The following ERBIN variants were observed in gnomAD, a reference collection of about 807,000 sequenced individuals.
ERBIN encodes the protein densin-180-like protein.
ERBIN carries 60 observed loss-of-function variants against 158.4 expected under a neutral mutation model. The observed-to-expected ratio is 0.38, with a 90% CI of 0.31 to 0.47. The LOEUF is 0.47. ERBIN is among the 20% of genes least tolerant of loss of function. The pLI is 0.99. For synonymous variants in ERBIN, 594 were observed against 557.2 expected (o/e 1.07, Z -0.93); for missense variants, 1,610 against 1,648.0 (o/e 0.98, Z 0.40).
intron 25 of ERBIN, 150 bp downstream of exon 25, chr5:66,077,099 C>T (rs1580561989): frequency 5.8e-6 from 3 of 516,748 alleles, no homozygotes; most frequent in African/African-American, 2.1e-5. Context: ...TGCAGCGAGC[C>T]GAGATCGCGC....
At chr5:65,968,187 A>G (rs1371597552) in intron 1 of ERBIN, among the ~76,000 whole-genome samples, 1 of 152,220 alleles carries the variant, frequency 6.6e-6, no homozygotes, top group African/African-American at 2.4e-5. Context: ...TCATTCTACA[A>G]AATAGTGGCA....
intron 25 of ERBIN, 97 bp downstream of exon 25, chr5:66,077,046 G>C: frequency 1.1e-6 from 1 of 901,312 alleles, no homozygotes; most frequent in South Asian, 1.7e-5. Flanking sequence ...TTGTGGGTGG[G>C]AGGCTGAGGC....
chr5:65,980,400 C>T (rs1750525627), intron 1 of ERBIN, among the ~76,000 whole-genome samples: 1 of 151,912 alleles, frequency 6.6e-6, no homozygotes, highest in South Asian at 2.1e-4. Flanking sequence ...TGCACTCCAG[C>T]CTGGATAACA....
chr5:65,975,768 T>G (rs1381112899), intron 1 of ERBIN, among the ~76,000 whole-genome samples: 3 of 152,192 alleles, frequency 2.0e-5, no homozygotes, highest in African/African-American at 7.2e-5. Flanking sequence ...AGCAGAGTAA[T>G]GGGTTGGTAG....
chr5:66,064,588 A>G (rs527314439), intron 21 of ERBIN, among the ~76,000 whole-genome samples: 27 of 152,230 alleles, frequency 1.8e-4, no homozygotes, highest in Non-Finnish European at 3.5e-4. Flanking sequence ...ACAATAAACA[A>G]AAGAGAGCCA....
intron 4 of ERBIN, among the ~76,000 whole-genome samples, chr5:66,002,406 A>C (rs1181644149): frequency 6.6e-6 from 1 of 151,908 alleles, no homozygotes; most frequent in Non-Finnish European, 1.5e-5. Flanking sequence ...TGTAGGGAAG[A>C]CTGAGAAGAT....
chr5:65,957,507 A>C lies in ERBIN; in HGVS notation c.-58+30701A>C, dbSNP rs185021304. The stretch of plus-strand genomic sequence containing the variant: ...CCATTTAACCCTGAGTAGACACAGC[A>C]CGTTTCAGAGAGCACCGGGTTGGGG... On this transcript the variant is annotated intron_variant, in intron 1 of 25. Transcript: ENST00000284037. Among the ~76,000 whole-genome samples the C allele has an allele frequency of 2.4e-4, 36 of 152,308 alleles. No homozygotes were observed. The East Asian group carries it at 6.8e-3, about 29-fold the overall frequency.
At chr5:65,997,728 T>A (rs755240135) in intron 4 of ERBIN, among the ~76,000 whole-genome samples, 1 of 152,162 alleles carries the variant, frequency 6.6e-6, no homozygotes, top group Admixed American at 6.5e-5. Context: ...CCAGCAAATA[T>A]GTAGTAATCA....
At chr5:66,072,080 T>C (rs1651995656) in intron 21 of ERBIN, 89 bp from the exon 22 acceptor site, 2 of 1,383,256 alleles carry the variant, frequency 1.4e-6, no homozygotes, top group South Asian at 3.0e-5. Context: ...TTTGGCAATA[T>C]TTTTTCCTAA....
chr5:65,967,536 G>GGC lies in ERBIN; in HGVS notation c.-57-21098_-57-21097dup, dbSNP rs554186687. Among the ~76,000 whole-genome samples, 30 of 152,234 alleles carry GGC rather than the reference G, an allele frequency of 2.0e-4. No individual in the cohort carries two copies. In the South Asian group the frequency reaches 6.2e-3, roughly 32 times the overall value. ...ATGCGGTACGTGTTCTTAGTCTAGT[G>GGC]GCAGTAGGCTACACCATATAGCCTA... is the stretch of plus-strand genomic sequence containing the variant. On this transcript the variant is annotated intron_variant, in intron 1 of 25. Coordinates refer to ENST00000284037, the MANE Select transcript of ERBIN (RefSeq NM_001253697.2).
chr5:65,958,419 G>C (rs1398812480), intron 1 of ERBIN, among the ~76,000 whole-genome samples: 1 of 152,224 alleles, frequency 6.6e-6, no homozygotes, highest in Non-Finnish European at 1.5e-5. Flanking sequence ...AGGAGCTGGA[G>C]ACCAGCCCGG....
chr5:66,001,550 T>C (rs1391958155), intron 4 of ERBIN, among the ~76,000 whole-genome samples: 1 of 152,206 alleles, frequency 6.6e-6, no homozygotes, highest in Non-Finnish European at 1.5e-5. Flanking sequence ...CTCTGTTTAT[T>C]GGTCTGGTTA....
At chr5:65,943,913 A>G (rs1226201828) in intron 1 of ERBIN, among the ~76,000 whole-genome samples, 1 of 152,216 alleles carries the variant, frequency 6.6e-6, no homozygotes, top group East Asian at 1.9e-4. Flanking sequence ...TATTTTGACC[A>G]AGTACCTCGT....
chr5:65,932,232 A>G (rs1336728417), intron 1 of ERBIN, among the ~76,000 whole-genome samples: 1 of 150,744 alleles, frequency 6.6e-6, no homozygotes, highest in Non-Finnish European at 1.5e-5. Context: ...CCAGCTACTC[A>G]GGAGGCTGAG....
intron 21 of ERBIN, among the ~76,000 whole-genome samples, chr5:66,058,709 A>T (rs153020): frequency 0.99 from 146,374 of 147,442 alleles, 72,662 homozygotes; most frequent in South Asian, 1. Context: ...AATTAATTTT[A>T]GTATAAGGTG....
chr5:65,979,666 A>G (rs182776896), intron 1 of ERBIN, among the ~76,000 whole-genome samples: 35 of 152,348 alleles, frequency 2.3e-4, no homozygotes, highest in Admixed American at 1.5e-3. Context: ...AACCAAATGC[A>G]TATTCTGGAA....
intron 17 of ERBIN, among the ~76,000 whole-genome samples, chr5:66,045,410 AGC>A: frequency 6.8e-6 from 1 of 146,272 alleles, no homozygotes; most frequent in Non-Finnish European, 1.5e-5. Flanking sequence ...TATTACATAT[AGC>A]CTATATGTAA....
At chr5:65,941,645 G>A (rs554819977) in intron 1 of ERBIN, among the ~76,000 whole-genome samples, 73 of 152,236 alleles carry the variant, frequency 4.8e-4, no homozygotes, top group African/African-American at 1.8e-3. Context: ...TGATAAACAT[G>A]TAAATGTGTG....
intron 15 of ERBIN, among the ~76,000 whole-genome samples, chr5:66,039,705 T>C (rs1017479370): frequency 1.3e-5 from 2 of 151,992 alleles, no homozygotes; most frequent in African/African-American, 4.8e-5. Context: ...TATTTTGTTA[T>C]GGAAACATAC....
Sources: gnomAD v4.1 joint callset for allele counts (sites outside exome capture counted in the v4.1 genomes callset) on GRCh38, gnomAD v4.1.1 for gene constraint, MANE v1.5 for transcripts, NCBI Gene and HGNC (gene_info 2026-07-23, HGNC 2026-07-21) for gene names.